The following LOC400499 variants were observed in gnomAD, a reference collection of about 807,000 sequenced individuals.
the LOC400499 span, among the ~76,000 whole-genome samples, chr16:11,463,044 A>C: frequency 6.6e-6 from 1 of 152,174 alleles, no homozygotes; most frequent in Non-Finnish European, 1.5e-5. Context: ...CCTTTCTTAC[A>C]GTACAACCCA....
At chr16:11,387,528 C>G in the LOC400499 span, among the ~76,000 whole-genome samples, 1 of 152,166 alleles carries the variant, frequency 6.6e-6, no homozygotes, top group African/African-American at 2.4e-5. Context: ...CAAGCTGCCC[C>G]ATTTTGAGGA....
chr16:11,481,447 T>G, the LOC400499 span, among the ~76,000 whole-genome samples: 1 of 151,558 alleles, frequency 6.6e-6, no homozygotes, highest in East Asian at 1.9e-4. Context: ...CTCAGTCTCT[T>G]GATTAGGTGG....
the LOC400499 span, chr16:11,392,290 C>T: frequency 2.5e-6 from 1 of 398,990 alleles, no homozygotes; most frequent in Non-Finnish European, 4.4e-6. Context: ...TAACCCCTTC[C>T]CTGTGTCCCA....
the LOC400499 span, chr16:11,383,953 C>T: frequency 8.1e-7 from 1 of 1,231,890 alleles, no homozygotes; most frequent in Non-Finnish European, 1.0e-6. Flanking sequence ...GGGGAGCTGT[C>T]CCGGGCAGGC....
chr16:11,424,310 G>T, the LOC400499 span: 2 of 399,496 alleles, frequency 5.0e-6, no homozygotes, highest in Non-Finnish European at 8.8e-6. Context: ...CCACGTGGGT[G>T]AGAGACAGGA....
At chr16:11,393,899 A>G in the LOC400499 span, among the ~76,000 whole-genome samples, 2 of 152,170 alleles carry the variant, frequency 1.3e-5, no homozygotes, top group South Asian at 4.1e-4. Context: ...ACCACATGGC[A>G]AAAACCCTGT....
chr16:11,427,610 A>G, the LOC400499 span, among the ~76,000 whole-genome samples: 3 of 151,488 alleles, frequency 2.0e-5, no homozygotes, highest in African/African-American at 7.3e-5. Context: ...TGCCCAACTA[A>G]TTTTTTTAAA....
chr16:11,473,239 G>C, the LOC400499 span: 2 of 150,732 alleles, frequency 1.3e-5, no homozygotes, highest in Non-Finnish European at 2.9e-5. Flanking sequence ...ATAGTTTCAA[G>C]TTTATTTACA....
the LOC400499 span, chr16:11,461,149 G>A: frequency 3.0e-5 from 45 of 1,516,748 alleles, no homozygotes; most frequent in South Asian, 5.2e-4. Context: ...GCAGATGAGA[G>A]GGTCAGCCCC....
chr16:11,515,255 G>A, the LOC400499 span, among the ~76,000 whole-genome samples: 2 of 151,780 alleles, frequency 1.3e-5, no homozygotes, highest in African/African-American at 4.8e-5. Context: ...AGATCAGCCT[G>A]GACAACACAG....
chr16:11,425,189 C>T, the LOC400499 span: 2 of 399,034 alleles, frequency 5.0e-6, no homozygotes, highest in Non-Finnish European at 8.8e-6. Flanking sequence ...GCCGGGGGCC[C>T]CAGGAGCAGG....
At chr16:11,413,545 T>C in the LOC400499 span, among the ~76,000 whole-genome samples, 1 of 152,094 alleles carries the variant, frequency 6.6e-6, no homozygotes, top group South Asian at 2.1e-4. Flanking sequence ...CATGGCCCCA[T>C]GTGGGTTCCT....
the LOC400499 span, among the ~76,000 whole-genome samples, chr16:11,415,459 G>A: frequency 6.6e-3 from 1,009 of 152,308 alleles, 12 homozygotes; most frequent in African/African-American, 0.023. Flanking sequence ...GGCACAGCCC[G>A]CCCGCCTCAA....
chr16:11,399,014 C>G, the LOC400499 span, among the ~76,000 whole-genome samples: 29 of 152,258 alleles, frequency 1.9e-4, no homozygotes, highest in African/African-American at 6.7e-4. Flanking sequence ...GGCGGGAGGT[C>G]CAGAGGAGGA....
chr16:11,454,127 T>C, the LOC400499 span, among the ~76,000 whole-genome samples: 2 of 152,136 alleles, frequency 1.3e-5, no homozygotes, highest in African/African-American at 4.8e-5. Flanking sequence ...ATACAAAAGA[T>C]GATAAATCAG....
chr16:11,470,347 G>C, the LOC400499 span, among the ~76,000 whole-genome samples: 1 of 152,158 alleles, frequency 6.6e-6, no homozygotes, highest in African/African-American at 2.4e-5. Flanking sequence ...TAGCCCAGAG[G>C]GGAACACACT....
the LOC400499 span, among the ~76,000 whole-genome samples, chr16:11,412,068 T>C: frequency 2.6e-5 from 4 of 152,238 alleles, no homozygotes; most frequent in East Asian, 7.7e-4. Flanking sequence ...TCTCACTATG[T>C]TGCCCAGGTT....
the LOC400499 span, among the ~76,000 whole-genome samples, chr16:11,513,844 C>A: frequency 6.6e-6 from 1 of 152,104 alleles, no homozygotes; most frequent in African/African-American, 2.4e-5. Flanking sequence ...CACAGTAAAT[C>A]CTTCCAAAGT....
the LOC400499 span, among the ~76,000 whole-genome samples, chr16:11,489,186 G>C: frequency 5.3e-5 from 8 of 152,308 alleles, no homozygotes; most frequent in African/African-American, 1.9e-4. Context: ...TGTGACCTTG[G>C]GGTGGTCCCT....
Sources: allele counts gnomAD v4.1 joint callset (sites outside exome capture counted in the v4.1 genomes callset), GRCh38; gene constraint gnomAD v4.1.1; transcripts MANE v1.5.